Variants in GRM1 observed in about 807,000 individuals in gnomAD.
GRM1 encodes glutamate metabotropic receptor 1.
Under a neutral mutation model 90.9 loss-of-function variants are expected in GRM1, and 33 were observed. That is an observed-to-expected ratio of 0.36 (90% CI 0.28 to 0.49). The LOEUF (loss-of-function observed/expected upper bound fraction) is 0.49, where lower values mean the gene tolerates loss of function less well. Among genes scored for constraint, GRM1 ranks in the 20% least tolerant of loss-of-function variants. GRM1 has a pLI of 0.99. For missense variants in GRM1, 1,190 were observed against 1,534.3 expected (o/e 0.78, Z 3.75); for synonymous variants, 700 against 613.2 (o/e 1.14, Z -2.09).
intron 1 of GRM1, among the ~76,000 whole-genome samples, chr6:146,085,156 C>G (rs545515803): frequency 6.6e-6 from 1 of 151,816 alleles, no homozygotes; most frequent in Admixed American, 6.6e-5. Flanking sequence ...ATGAAAGAAC[C>G]AGCAACAGAA....
At chr6:146,145,362 A>G (rs753909699) in intron 1 of GRM1, among the ~76,000 whole-genome samples, 1 of 152,174 alleles carries the variant, frequency 6.6e-6, no homozygotes, top group Non-Finnish European at 1.5e-5. Flanking sequence ...TCCCCCCATC[A>G]CAGCCCCAGA....
upstream of GRM1, among the ~76,000 whole-genome samples, chr6:146,028,232 AGTGTGT>A (rs60190108): frequency 0.071 from 9,258 of 130,216 alleles, 611 homozygotes; most frequent in African/African-American, 0.18. Context: ...AGTGGAAGGG[AGTGTGT>A]GTGTGTGTGT....
chr6:146,405,032 T>C (rs528179905), intron 7 of GRM1, among the ~76,000 whole-genome samples: 22 of 152,246 alleles, frequency 1.4e-4, no homozygotes, highest in Non-Finnish European at 2.8e-4. Flanking sequence ...AATAAGAAAA[T>C]AGGACTCTTA....
intron 5 of GRM1, among the ~76,000 whole-genome samples, chr6:146,377,204 A>T (rs1776134119): frequency 6.6e-6 from 1 of 152,170 alleles, no homozygotes; most frequent in Admixed American, 6.5e-5. Flanking sequence ...TGCTGTAAAG[A>T]TACTGAAAAT....
intron 3 of GRM1, among the ~76,000 whole-genome samples, chr6:146,320,830 T>G (rs1033489841): frequency 1.1e-4 from 16 of 152,174 alleles, no homozygotes; most frequent in African/African-American, 3.9e-4. Context: ...TTTCTCATAT[T>G]TTATTGTGTC....
intron 1 of GRM1, among the ~76,000 whole-genome samples, chr6:146,043,796 T>TATATAGATAGATATAG (rs577546115): frequency 2.2e-5 from 3 of 137,940 alleles, no homozygotes; most frequent in Non-Finnish European, 4.7e-5. Context: ...TATATATATA[T>TATATAGATAGATATAG]ATATATATAT....
At chr6:146,405,159 G>T (rs888690913) in intron 7 of GRM1, among the ~76,000 whole-genome samples, 1 of 152,146 alleles carries the variant, frequency 6.6e-6, no homozygotes, top group African/African-American at 2.4e-5. Flanking sequence ...GTGCTATAAA[G>T]TCATCCAAAG....
chr6:146,236,379 C>T (rs533824045), intron 2 of GRM1, among the ~76,000 whole-genome samples: 1 of 152,180 alleles, frequency 6.6e-6, no homozygotes, highest in South Asian at 2.1e-4. Flanking sequence ...GTTTTTCCAC[C>T]ATCACCTTTA....
chr6:146,050,429 A>G (rs1281609764), intron 1 of GRM1, among the ~76,000 whole-genome samples: 1 of 152,060 alleles, frequency 6.6e-6, no homozygotes, highest in East Asian at 1.9e-4. Context: ...TTTAAAGCAC[A>G]CTTGATCCTT....
intron 1 of GRM1, among the ~76,000 whole-genome samples, chr6:146,120,339 T>C (rs1775931139): frequency 6.6e-6 from 1 of 152,226 alleles, no homozygotes; most frequent in African/African-American, 2.4e-5. Flanking sequence ...GATTTTGGGC[T>C]GAGACGATGG....
At chr6:146,332,855 C>A (rs962306092) in intron 3 of GRM1, among the ~76,000 whole-genome samples, 1 of 152,240 alleles carries the variant, frequency 6.6e-6, no homozygotes, top group East Asian at 1.9e-4. Flanking sequence ...ATCTAATATA[C>A]CCAAAATATA....
intron 2 of GRM1, among the ~76,000 whole-genome samples, chr6:146,235,374 G>A (rs1203081189): frequency 6.6e-6 from 1 of 151,994 alleles, no homozygotes; most frequent in Non-Finnish European, 1.5e-5. Context: ...AATATGATAT[G>A]TCCAAGGATT....
chr6:146,085,180 A>G (rs1050333556), intron 1 of GRM1, among the ~76,000 whole-genome samples: 2 of 152,140 alleles, frequency 1.3e-5, no homozygotes, highest in Non-Finnish European at 2.9e-5. Flanking sequence ...GCTGATTGAT[A>G]TAACTACATA....
At chr6:146,098,466 T>TA (rs1338370667) in intron 1 of GRM1, among the ~76,000 whole-genome samples, 1 of 152,166 alleles carries the variant, frequency 6.6e-6, no homozygotes, top group Non-Finnish European at 1.5e-5. Context: ...TCTTTTTTTT[T>TA]AGGTATGGTC....
chr6:146,217,166 T>G (rs1404996624), intron 2 of GRM1, among the ~76,000 whole-genome samples: 1 of 152,158 alleles, frequency 6.6e-6, no homozygotes, highest in Non-Finnish European at 1.5e-5. Context: ...AAATGAGCCA[T>G]AGGTCAGTGA....
At chr6:146,104,216 G>A (rs1562464995) in intron 1 of GRM1, among the ~76,000 whole-genome samples, 1 of 152,130 alleles carries the variant, frequency 6.6e-6, no homozygotes, top group African/African-American at 2.4e-5. Flanking sequence ...CGAGGCGGGC[G>A]GATCACGAGG....
At chr6:146,344,227 C>T (rs1178500766) in intron 3 of GRM1, among the ~76,000 whole-genome samples, 4 of 152,154 alleles carry the variant, frequency 2.6e-5, no homozygotes, top group South Asian at 2.1e-4. Context: ...TCTTGGTATA[C>T]GTGTGTGTAG....
At chr6:146,255,918 T>C (rs1045830874) in intron 2 of GRM1, among the ~76,000 whole-genome samples, 12 of 152,196 alleles carry the variant, frequency 7.9e-5, no homozygotes, top group African/African-American at 2.7e-4. Context: ...GAGTCTCTCA[T>C]GACAATATCC....
At chr6:146,132,978 G>A (rs994506198) in intron 1 of GRM1, among the ~76,000 whole-genome samples, 2 of 152,210 alleles carry the variant, frequency 1.3e-5, no homozygotes, top group African/African-American at 2.4e-5. Flanking sequence ...TGTAATAGTT[G>A]TCTTTCTATG....
Sources: allele counts gnomAD v4.1 joint callset (sites outside exome capture counted in the v4.1 genomes callset), GRCh38; gene constraint gnomAD v4.1.1; transcripts MANE v1.5; gene names NCBI Gene and HGNC (gene_info 2026-07-23, HGNC 2026-07-21).